CCBE1: variants seen among roughly 807,000 people sequenced by gnomAD.
The protein encoded by CCBE1 is collagen and calcium-binding EGF domain-containing protein 1.
CCBE1 carries 37 observed loss-of-function variants against 50.0 expected under a neutral mutation model. The observed-to-expected ratio is 0.74, with a 90% CI of 0.57 to 0.97. The LOEUF (loss-of-function observed/expected upper bound fraction) is 0.97. Among genes scored for constraint, CCBE1 ranks in the 50% least tolerant of loss-of-function variants. The pLI, the probability that CCBE1 is intolerant of heterozygous loss-of-function variation, is 0.00. For missense variants in CCBE1, 538 were observed against 523.8 expected, an observed-to-expected ratio of 1.03 and a Z score of -0.26; for synonymous variants, 234 against 203.7, an observed-to-expected ratio of 1.15 and a Z score of -1.27.
At chr18:59,533,333 A>C (rs962666469) in intron 2 of CCBE1, among the ~76,000 whole-genome samples, 1 of 152,190 alleles carries the variant, frequency 6.6e-6, no homozygotes, top group African/African-American at 2.4e-5. Flanking sequence ...AAATAGACGA[A>C]AATTGAAACT....
At chr18:59,633,712 C>A (rs1174872604) in intron 2 of CCBE1, among the ~76,000 whole-genome samples, 1 of 151,214 alleles carries the variant, frequency 6.6e-6, no homozygotes, top group Non-Finnish European at 1.5e-5. Context: ...CAGGCTGCTT[C>A]TTCCTAAATT....
chr18:59,611,648 G>C (rs779843528), intron 2 of CCBE1, among the ~76,000 whole-genome samples: 1 of 152,056 alleles, frequency 6.6e-6, no homozygotes, highest in Non-Finnish European at 1.5e-5. Flanking sequence ...TGGGAGGCTA[G>C]GGCAGCAGAA....
chr18:59,544,156 T>C (rs1251788587), intron 2 of CCBE1, among the ~76,000 whole-genome samples: 3 of 152,182 alleles, frequency 2.0e-5, no homozygotes, highest in Non-Finnish European at 4.4e-5. Flanking sequence ...AAGCAGCCGA[T>C]TTCAAAGCAC....
At chr18:59,469,955 G>A (rs1464799805) in intron 3 of CCBE1, among the ~76,000 whole-genome samples, 2 of 152,170 alleles carry the variant, frequency 1.3e-5, no homozygotes, top group African/African-American at 4.8e-5. Context: ...AACTGCTGTA[G>A]AGGCAGGTGA....
chr18:59,476,370 A>G (rs761124982), intron 3 of CCBE1, among the ~76,000 whole-genome samples: 6 of 152,114 alleles, frequency 3.9e-5, no homozygotes, highest in Non-Finnish European at 8.8e-5. Flanking sequence ...CCCACAGTTT[A>G]TGCTGAATTA....
intron 2 of CCBE1, among the ~76,000 whole-genome samples, chr18:59,591,646 C>T (rs541115746): frequency 3.9e-5 from 6 of 152,190 alleles, no homozygotes; most frequent in South Asian, 4.1e-4. Flanking sequence ...TGAAAGAGCT[C>T]GAAAACACTC....
At chr18:59,517,924 T>C (rs1046763566) in intron 2 of CCBE1, among the ~76,000 whole-genome samples, 1 of 152,180 alleles carries the variant, frequency 6.6e-6, no homozygotes, top group African/African-American at 2.4e-5. Context: ...ACAAGATCAT[T>C]ATGTCCAGAA....
chr18:59,541,309 C>A (rs1264528182), intron 2 of CCBE1, among the ~76,000 whole-genome samples: 1 of 152,108 alleles, frequency 6.6e-6, no homozygotes, highest in Non-Finnish European at 1.5e-5. Context: ...TGATGGGAAA[C>A]TAAAAACAAG....
At chr18:59,504,922 G>A (rs1200154222) in intron 2 of CCBE1, among the ~76,000 whole-genome samples, 3 of 152,136 alleles carry the variant, frequency 2.0e-5, no homozygotes, top group South Asian at 2.1e-4. Context: ...AATCACAGCA[G>A]AGAGGACACT....
At chr18:59,637,104 T>A (rs1224811676) in intron 2 of CCBE1, among the ~76,000 whole-genome samples, 1 of 152,142 alleles carries the variant, frequency 6.6e-6, no homozygotes, top group Non-Finnish European at 1.5e-5. Context: ...AGAATGGAGG[T>A]TATGTAAATA....
At chr18:59,618,040 C>T (rs1245497773) in intron 2 of CCBE1, among the ~76,000 whole-genome samples, 1 of 152,156 alleles carries the variant, frequency 6.6e-6, no homozygotes, top group Admixed American at 6.5e-5. Flanking sequence ...CTTTGGAAAT[C>T]TAAGAAAGAT....
intron 2 of CCBE1, among the ~76,000 whole-genome samples, chr18:59,662,263 G>A (rs2054296464): frequency 6.6e-6 from 1 of 152,224 alleles, no homozygotes. Context: ...AGCTGGGAAC[G>A]TGCATAGTGG....
At chr18:59,644,079 G>A (rs756576210) in intron 2 of CCBE1, among the ~76,000 whole-genome samples, 1 of 152,142 alleles carries the variant, frequency 6.6e-6, no homozygotes, top group Non-Finnish European at 1.5e-5. Flanking sequence ...GGGTTTAAGG[G>A]AGGCCCAGGG....
At chr18:59,519,094 G>C (rs1313552260) in intron 2 of CCBE1, among the ~76,000 whole-genome samples, 1 of 152,156 alleles carries the variant, frequency 6.6e-6, no homozygotes, top group Non-Finnish European at 1.5e-5. Context: ...GTCTCAGGGT[G>C]GTTTCCAGGG....
chr18:59,437,690 A>G (rs1226122935), intron 10 of CCBE1, among the ~76,000 whole-genome samples: 6 of 151,986 alleles, frequency 3.9e-5, no homozygotes, highest in African/African-American at 1.4e-4. Flanking sequence ...GTGGTTTTGC[A>G]CTTTTTAAGA....
intron 3 of CCBE1, among the ~76,000 whole-genome samples, chr18:59,474,322 G>A (rs1246581755): frequency 6.6e-6 from 1 of 152,174 alleles, no homozygotes; most frequent in Admixed American, 6.5e-5. Flanking sequence ...GTTTATTCAC[G>A]GTGTATTTAA....
At chr18:59,689,171 G>C (rs550262877) in intron 2 of CCBE1, among the ~76,000 whole-genome samples, 1 of 152,276 alleles carries the variant, frequency 6.6e-6, no homozygotes, top group South Asian at 2.1e-4. Flanking sequence ...TACCTGTTGA[G>C]AGCCCCCCTG....
intron 2 of CCBE1, among the ~76,000 whole-genome samples, chr18:59,566,934 C>T (rs1350242093): frequency 1.3e-5 from 2 of 152,070 alleles, no homozygotes; most frequent in African/African-American, 2.4e-5. Context: ...TTAAGATAAA[C>T]TATGCAGAAT....
intron 2 of CCBE1, among the ~76,000 whole-genome samples, chr18:59,628,111 G>A (rs1394187229): frequency 1.3e-5 from 2 of 152,142 alleles, no homozygotes; most frequent in Non-Finnish European, 2.9e-5. Context: ...CTACTCGGGA[G>A]GCTGAGGTGG....
Sources: gnomAD v4.1 joint callset for allele counts (sites outside exome capture counted in the v4.1 genomes callset) on GRCh38, gnomAD v4.1.1 for gene constraint, MANE v1.5 for transcripts, NCBI Gene and HGNC (gene_info 2026-07-23, HGNC 2026-07-21) for gene names.